EFNA5: variants seen among roughly 807,000 people sequenced by gnomAD.
EFNA5 encodes ephrin A5, also known as ephrin-A5.
A neutral mutation model predicts 22.9 loss-of-function variants in EFNA5; 5 were observed. The observed-to-expected ratio is 0.22, with a 90% CI of 0.11 to 0.46. The LOEUF (loss-of-function observed/expected upper bound fraction) is 0.46, where lower values mean the gene tolerates loss of function less well. Ranked by LOEUF, EFNA5 falls within the 20% of genes least tolerant of loss-of-function variation. The pLI, the probability that EFNA5 is intolerant of heterozygous loss-of-function variation, is 0.99. For missense variants in EFNA5, 237 were observed against 293.3 expected (o/e 0.81, Z 1.40); for synonymous variants, 113 against 112.2 (o/e 1.01, Z -0.04).
chr5:107,628,631 A>G (rs909937387), intron 1 of EFNA5, among the ~76,000 whole-genome samples: 12 of 152,310 alleles, frequency 7.9e-5, no homozygotes, highest in African/African-American at 2.9e-4. Context: ...GGGGAACCAT[A>G]GATAAATACT....
At chr5:107,473,566 T>C (rs1750200325) in intron 1 of EFNA5, among the ~76,000 whole-genome samples, 1 of 152,106 alleles carries the variant, frequency 6.6e-6, no homozygotes, top group Non-Finnish European at 1.5e-5. Context: ...CAATTTGGTG[T>C]GGAACAGATG....
rs1296078596 is a variant in EFNA5, at chr5:107,569,491, ATATATGTGTATATATATT to A, written c.125+100980_125+100997del. Among the ~76,000 whole-genome samples the A allele has an allele frequency of 7.5e-3, 1,047 of 138,736 alleles. 27 individuals are homozygous for A. The highest frequency in any genetic ancestry group is 0.027 in the African/African-American group (994 of 37,418). 91.0% of individuals were successfully genotyped at this position (138,736 alleles called of 152,430 possible). A position where few individuals can be genotyped will look rare whatever the true frequency, so the allele number is the denominator to read the frequency against. Reference sequence around the variant, plus strand: ...TATATATATGTGTATATATATTTATATATATGTGTATATATATTTATATATGTGTGTATATATATTTAT... The same window carrying A: ...TATATATATGTGTATATATATTTATATATATATGTGTGTATATATATTTAT... On this transcript the variant is annotated intron_variant, in intron 1 of 4. Transcript: ENST00000333274.
chr5:107,427,522 GA>G lies in EFNA5; in HGVS notation c.126-14del, dbSNP rs200830072. On this transcript the variant is annotated splice_polypyrimidine_tract_variant and intron_variant, in intron 1 of 4. Transcript: ENST00000333274. Reference sequence around the variant, plus strand: ...ACCCCTCTGGAATCTGTTAGAAAAAGAAAAAAAAATGTGATAATTCATAGAG... The same window carrying G: ...ACCCCTCTGGAATCTGTTAGAAAAAGAAAAAAAATGTGATAATTCATAGAG... 62 of 1,532,720 alleles carry G rather than the reference GA, an allele frequency of 4.0e-5. No individual in the cohort carries two copies. Among genetic ancestry groups the G allele is most frequent in the East Asian group, 1.6e-4 (7 of 43,430 alleles). The allele number at this position is 1,532,720 out of a possible 1,614,324, so 94.9% of individuals were successfully genotyped here.
rs1014656626 is a variant in EFNA5, at chr5:107,446,294, T to G, written c.126-18785A>C. ...ATTCAATTATACTATTTATGGAACT[T>G]TTAGGGTATTATTTTTACCACTAAA... On this transcript the variant is annotated intron_variant, in intron 1 of 4. Transcript: ENST00000333274. 3.9e-5 allele frequency among the ~76,000 whole-genome samples: 6 copies of G among 152,232 alleles called. No individual in the cohort carries two copies. In the South Asian group the frequency reaches 1.0e-3, roughly 26 times the overall value.
intron 1 of EFNA5, among the ~76,000 whole-genome samples, chr5:107,439,227 C>T (rs1381514755): frequency 6.6e-6 from 1 of 152,118 alleles, no homozygotes; most frequent in East Asian, 1.9e-4. Context: ...GCTCATTCTC[C>T]TTCTGCCATG....
intron 1 of EFNA5, among the ~76,000 whole-genome samples, chr5:107,472,499 A>G (rs1750166692): frequency 6.6e-6 from 1 of 152,214 alleles, no homozygotes; most frequent in Non-Finnish European, 1.5e-5. Flanking sequence ...GATAATTCTT[A>G]CACTCCTGGC....
At chr5:107,631,637 T>C (rs1422233726) in intron 1 of EFNA5, among the ~76,000 whole-genome samples, 2 of 152,130 alleles carry the variant, frequency 1.3e-5, no homozygotes, top group African/African-American at 4.8e-5. Context: ...TTTATTTTCC[T>C]ACAAAAAACA....
chr5:107,452,748 T>A (rs1428333961), intron 1 of EFNA5, among the ~76,000 whole-genome samples: 1 of 152,104 alleles, frequency 6.6e-6, no homozygotes, highest in Non-Finnish European at 1.5e-5. Context: ...TTTTGAAAAC[T>A]CTTGTATACA....
At chr5:107,643,674 C>G (rs532854228) in intron 1 of EFNA5, among the ~76,000 whole-genome samples, 7 of 148,786 alleles carry the variant, frequency 4.7e-5, no homozygotes, top group Non-Finnish European at 5.9e-5. Flanking sequence ...GTAAGCTTGA[C>G]GAGAGGGGGA....
chr5:107,401,955 T>C (rs1044947849), intron 2 of EFNA5, among the ~76,000 whole-genome samples: 7 of 152,248 alleles, frequency 4.6e-5, no homozygotes, highest in Non-Finnish European at 7.3e-5. Context: ...TTAAAGACTC[T>C]ACTTAGCTCC....
Position 107,387,272 on chromosome 5 carries a change from A to G in EFNA5, c.528T>C (p.Asp176=). The change falls in exon 4 of 5, where the codon GAT becomes GAC. Residue 176 remains aspartate (D), a synonymous_variant. Coordinates refer to ENST00000333274, the MANE Select transcript of EFNA5 (RefSeq NM_001962.3). ...KTIGVHDRVF[D]VNDKVENSLE... ...ATGAATTTTCTACTTTGTCGTTAAC[A>G]TCGAAAACACGATCATGAACACCTA... 1.2e-6 allele frequency: 2 copies of G among 1,606,456 alleles called. No homozygotes were observed. Among genetic ancestry groups the G allele is most frequent in the South Asian group, 1.1e-5 (1 of 89,864 alleles).
At chr5:107,514,637 G>A (rs1469686492) in intron 1 of EFNA5, among the ~76,000 whole-genome samples, 5 of 152,148 alleles carry the variant, frequency 3.3e-5, no homozygotes, top group African/African-American at 1.2e-4. Flanking sequence ...AAATGGAAAT[G>A]TGCTAACCCT....
intron 1 of EFNA5, among the ~76,000 whole-genome samples, chr5:107,459,356 A>G (rs186603451): frequency 2.7e-5 from 4 of 150,856 alleles, no homozygotes; most frequent in African/African-American, 9.8e-5. Flanking sequence ...CCATCTCAAA[A>G]AAAATCAATT....
intron 2 of EFNA5, among the ~76,000 whole-genome samples, chr5:107,393,535 T>C (rs957249532): frequency 6.6e-6 from 1 of 152,230 alleles, no homozygotes; most frequent in Non-Finnish European, 1.5e-5. Context: ...GGAAGTTTTA[T>C]TTTTAAGAAT....
At chr5:107,633,968 C>A (rs1359767548) in intron 1 of EFNA5, among the ~76,000 whole-genome samples, 1 of 152,010 alleles carries the variant, frequency 6.6e-6, no homozygotes, top group Admixed American at 6.6e-5. Flanking sequence ...AAAAGGGAAA[C>A]AATTCCATAC....
chr5:107,386,750 T>A (rs1747635386), intron 4 of EFNA5, among the ~76,000 whole-genome samples: 1 of 152,210 alleles, frequency 6.6e-6, no homozygotes, highest in Non-Finnish European at 1.5e-5. Context: ...GTCAGTTCAA[T>A]GATGCATGTA....
intron 2 of EFNA5, among the ~76,000 whole-genome samples, chr5:107,393,493 T>C (rs1747837580): frequency 6.6e-6 from 1 of 152,242 alleles, no homozygotes; most frequent in African/African-American, 2.4e-5. Context: ...AAATCCTCCT[T>C]TTCTGTGTCC....
chr5:107,437,160 C>T (rs1032370787), intron 1 of EFNA5, among the ~76,000 whole-genome samples: 2 of 151,552 alleles, frequency 1.3e-5, no homozygotes, highest in African/African-American at 2.4e-5. Flanking sequence ...ATTAAACAAA[C>T]AAGAAATAAA....
rs571500847 is a variant in EFNA5 at position 107,411,761 on chromosome 5, C to T, written c.418+15456G>A. ...GCCATCACGCCTGGCTATTTTTAAA[C>T]TTTTTTCACAGATGGGGTCTTACAT... On this transcript the variant is annotated intron_variant, in intron 2 of 4. Transcript: ENST00000333274. Among the ~76,000 whole-genome samples, 36 of 152,092 alleles carry T rather than the reference C, an allele frequency of 2.4e-4. 1 individual carries two copies. Among genetic ancestry groups the T allele is most frequent in the South Asian group, 1.7e-3 (8 of 4,828 alleles).
Sources: allele counts gnomAD v4.1 joint callset (sites outside exome capture counted in the v4.1 genomes callset), GRCh38; gene constraint gnomAD v4.1.1; transcripts MANE v1.5; gene names NCBI Gene and HGNC (gene_info 2026-07-23, HGNC 2026-07-21).